The following ADGRD1 variants were observed in gnomAD, a reference collection of about 807,000 sequenced individuals.
ADGRD1 encodes G-protein coupled receptor 133.
A neutral mutation model predicts 113.4 loss-of-function variants in ADGRD1; 77 were observed. The observed-to-expected ratio is 0.68, with a 90% CI of 0.57 to 0.82. The LOEUF (loss-of-function observed/expected upper bound fraction) is 0.82, where lower values mean the gene tolerates loss of function less well. Among genes scored for constraint, ADGRD1 ranks in the 40% least tolerant of loss-of-function variants. The pLI is 0.00. For missense variants in ADGRD1, 1,036 were observed against 1,139.1 expected, an observed-to-expected ratio of 0.91 and a Z score of 1.30; for synonymous variants, 474 against 475.0, an observed-to-expected ratio of 1.00 and a Z score of 0.03.
chr12:131,106,851 TCTC>T (rs1237460128), intron 17 of ADGRD1, among the ~76,000 whole-genome samples: 1 of 152,144 alleles, frequency 6.6e-6, no homozygotes, highest in Non-Finnish European at 1.5e-5. Context: ...GGCCTCATGT[TCTC>T]CTGCTGGACG....
At chr12:131,012,332 G>A (rs1347651602) in intron 12 of ADGRD1, among the ~76,000 whole-genome samples, 1 of 151,092 alleles carries the variant, frequency 6.6e-6, no homozygotes, top group Admixed American at 6.6e-5. Flanking sequence ...CTGGACTTTG[G>A]GCTTGGATCA....
At chr12:130,988,694 C>T (rs1236350994) in intron 6 of ADGRD1, 2 of 152,300 alleles carry the variant, frequency 1.3e-5, no homozygotes, top group Non-Finnish European at 2.9e-5. Flanking sequence ...TTGTTAGCCT[C>T]CTCCTGGTGC....
chr12:131,131,112 G>C (rs776855139), intron 20 of ADGRD1, among the ~76,000 whole-genome samples: 2 of 152,198 alleles, frequency 1.3e-5, no homozygotes, highest in Admixed American at 1.3e-4. Flanking sequence ...GAGCTGCCCA[G>C]GTGAGGGGCA....
At chr12:131,045,086 T>C (rs1198295114) in intron 13 of ADGRD1, among the ~76,000 whole-genome samples, 3 of 152,218 alleles carry the variant, frequency 2.0e-5, no homozygotes. Context: ...CGGATCCGAA[T>C]GCGAATGGCT....
chr12:131,098,407 G>C (rs12579593), intron 15 of ADGRD1, among the ~76,000 whole-genome samples: 39,674 of 152,060 alleles, frequency 0.26, 6,047 homozygotes, highest in South Asian at 0.44. Flanking sequence ...CGCTATGGAG[G>C]GGGTGAGCCA....
intron 13 of ADGRD1, among the ~76,000 whole-genome samples, chr12:131,033,812 A>G (rs550815757): frequency 6.6e-6 from 1 of 152,246 alleles, no homozygotes; most frequent in Admixed American, 6.5e-5. Flanking sequence ...GCTAGGGGGA[A>G]GCAGCTTCCC....
intron 13 of ADGRD1, among the ~76,000 whole-genome samples, chr12:131,071,850 T>C (rs558762656): frequency 6.6e-6 from 1 of 151,378 alleles, no homozygotes; most frequent in Non-Finnish European, 1.5e-5. Flanking sequence ...CCCTCCTCTG[T>C]GGGCTCCGTC....
In ADGRD1 at chr12:131,139,313, A is replaced by C. The variant is rs954432491; in HGVS notation, c.*50A>C. 2 of 1,181,198 alleles carry C rather than the reference A, an allele frequency of 1.7e-6. No homozygotes were observed. Among genetic ancestry groups the C allele is most frequent in the Non-Finnish European group, 2.4e-6 (2 of 818,114 alleles). The allele number at this position is 1,181,198 out of a possible 1,614,324, so 73.2% of individuals were successfully genotyped here. A position where few individuals can be genotyped will look rare whatever the true frequency, so the allele number is the denominator to read the frequency against. On this transcript the variant is annotated 3_prime_UTR_variant, in exon 25 of 25. Coordinates refer to ENST00000261654, the MANE Select transcript of ADGRD1 (RefSeq NM_198827.5). ...GGCTGCGCTCAGAACACACCCCCCC[A>C]AACAGAATGAAATGCCCCACCTTTG... is the stretch of plus-strand genomic sequence containing the variant.
intron 23 of ADGRD1, chr12:131,137,228 C>T (rs1204400062): frequency 1.7e-6 from 1 of 604,672 alleles, no homozygotes; most frequent in African/African-American, 1.9e-5. Flanking sequence ...TGCAAGCATC[C>T]TCTCTCCCTG....
rs1038098926 is a variant in ADGRD1 at position 131,139,220 on chromosome 12, A to G, written c.2582A>G (p.Lys861Arg). Residue 861 changes from lysine to arginine, a missense_variant, in exon 25 of 25, where the codon AAG becomes AGG. Coordinates refer to ENST00000261654, the MANE Select transcript of ADGRD1 (RefSeq NM_198827.5). ...TCCACCAAGCTCAGCCCTTGGGACAAGAGCAGCCACTCTGCCCACCGCGTC... is the reference window on the plus strand; with the variant it reads ...TCCACCAAGCTCAGCCCTTGGGACAGGAGCAGCCACTCTGCCCACCGCGTC... ...MASTKLSPWD[K>R]SSHSAHRVDL... The G allele has an allele frequency of 3.1e-6, 5 of 1,612,574 alleles. No individual in the cohort carries two copies. Among genetic ancestry groups the G allele is most frequent in the Non-Finnish European group, 3.4e-6 (4 of 1,179,792 alleles).
At chr12:130,996,230 C>CT (rs1243236346) in intron 8 of ADGRD1, among the ~76,000 whole-genome samples, 1 of 47,838 alleles carries the variant, frequency 2.1e-5, no homozygotes, top group Non-Finnish European at 4.9e-5. Flanking sequence ...CCCCACCTTT[C>CT]CCCCTTTCTA....
intron 2 of ADGRD1, among the ~76,000 whole-genome samples, chr12:130,955,779 A>T (rs1379747623): frequency 1.5e-5 from 2 of 137,642 alleles, no homozygotes; most frequent in African/African-American, 2.6e-5. Flanking sequence ...TTTTAAAAAA[A>T]TTATTTTTGT....
chr12:130,961,990 C>T (rs558585577), intron 2 of ADGRD1, among the ~76,000 whole-genome samples: 2 of 152,338 alleles, frequency 1.3e-5, no homozygotes, highest in Admixed American at 6.5e-5. Flanking sequence ...TCCTGCCCTA[C>T]GACTGCAGTG....
At chr12:131,095,225 C>T (rs899082809) in intron 15 of ADGRD1, among the ~76,000 whole-genome samples, 6 of 152,268 alleles carry the variant, frequency 3.9e-5, no homozygotes, top group Admixed American at 1.3e-4. Context: ...TGCCGGGACT[C>T]AGCTTTGCTG....
chr12:130,954,776 C>T lies in ADGRD1; in HGVS notation c.103+116C>T. 1.0e-6 allele frequency: 1 copy of T among 984,564 alleles called. No homozygotes were observed. 61.0% of individuals were successfully genotyped at this position (984,564 alleles called of 1,614,324 possible). A position where few individuals can be genotyped will look rare whatever the true frequency, so the allele number is the denominator to read the frequency against. On this transcript the variant is annotated intron_variant, in intron 2 of 24. Coordinates refer to ENST00000261654, the MANE Select transcript of ADGRD1 (RefSeq NM_198827.5). This position sits in a 1 kb window ranked among gnomAD's most constrained non-coding sequence, Gnocchi z 4.7. ...ATCAGCGAATGGCCCTTGTTGGGCT[C>T]CTGGTCCCCGACCTCACTGCCTCAC...
At position 131,140,260 on chromosome 12, in the gene ADGRD1, G is replaced by C. The variant is rs1021409788; in HGVS notation, c.*997G>C. 1 of 152,128 alleles carries C rather than the reference G, an allele frequency of 6.6e-6. No homozygotes were observed. Among genetic ancestry groups the C allele is most frequent in the African/African-American group, 2.4e-5 (1 of 41,422 alleles). The allele number at this position is 152,128 out of a possible 1,614,324, so 9.4% of individuals were successfully genotyped here. ...ACGAAGTTTCTAATGGGCAGACCAC[G>C]CGGCAGGTAGCACAGTGCGCTCCGT... is the stretch of plus-strand genomic sequence containing the variant. On this transcript the variant is annotated 3_prime_UTR_variant, in exon 25 of 25. Coordinates refer to ENST00000261654, the MANE Select transcript of ADGRD1 (RefSeq NM_198827.5).
At chr12:131,135,237 C>A (rs1367785267) in intron 21 of ADGRD1, among the ~76,000 whole-genome samples, 3 of 152,182 alleles carry the variant, frequency 2.0e-5, no homozygotes, top group Admixed American at 2.0e-4. Context: ...CCTGATGAAA[C>A]CCTGTATCAC....
chr12:131,088,600 A>T (rs1189595633), intron 15 of ADGRD1, among the ~76,000 whole-genome samples: 1 of 152,130 alleles, frequency 6.6e-6, no homozygotes, highest in Non-Finnish European at 1.5e-5. Context: ...AGGAGGGAGC[A>T]GCCAGGGGTG....
At position 131,084,076 on chromosome 12, in the gene ADGRD1, T is replaced by C. The variant is rs1328564423; in HGVS notation, c.1548-464T>C. On this transcript the variant is annotated intron_variant, in intron 14 of 24. Transcript: ENST00000261654. This position sits in a 1 kb window ranked among gnomAD's most constrained non-coding sequence, Gnocchi z 4.5. Reference sequence around the variant, plus strand: ...AACCGATGCGAGGTCTTTTATCATATTTCTCTCTCCCACACTGCACTCACC... The same window carrying C: ...AACCGATGCGAGGTCTTTTATCATACTTCTCTCTCCCACACTGCACTCACC... 1.3e-5 allele frequency among the ~76,000 whole-genome samples: 2 copies of C among 152,242 alleles called. No individual in the cohort carries two copies. Among genetic ancestry groups the C allele is most frequent in the Non-Finnish European group, 2.9e-5 (2 of 68,046 alleles).
Sources: gnomAD v4.1 joint callset for allele counts (sites outside exome capture counted in the v4.1 genomes callset) on GRCh38, gnomAD v4.1.1 for gene constraint, Gnocchi (gnomAD v3.1) non-coding constraint, MANE v1.5 for transcripts, NCBI Gene and HGNC (gene_info 2026-07-23, HGNC 2026-07-21) for gene names.